Variants in GRM8 observed in about 807,000 individuals in gnomAD.
GRM8 encodes metabotropic glutamate receptor 8.
In GRM8, 47 loss-of-function variants were observed where a neutral mutation model predicts 87.2. The observed-to-expected ratio is 0.54, with a 90% CI of 0.43 to 0.69. GRM8 has a LOEUF of 0.69. Among genes scored for constraint, GRM8 ranks in the 30% least tolerant of loss-of-function variants. The pLI is 0.00. For synonymous variants in GRM8, 396 were observed against 404.5 expected (o/e 0.98, Z 0.25); for missense variants, 1,019 against 1,139.2 (o/e 0.89, Z 1.52).
At chr7:126,877,210 G>C (rs933648010) in intron 6 of GRM8, among the ~76,000 whole-genome samples, 1 of 151,882 alleles carries the variant, frequency 6.6e-6, no homozygotes, top group South Asian at 2.1e-4. Context: ...CTTCATAAAC[G>C]TATTCTTTTG....
At chr7:126,955,890 T>C (rs1234668646) in intron 3 of GRM8, among the ~76,000 whole-genome samples, 2 of 152,162 alleles carry the variant, frequency 1.3e-5, no homozygotes, top group Non-Finnish European at 1.5e-5. Flanking sequence ...ATGTTTGCTA[T>C]GGGGGATTTT....
chr7:126,854,891 T>C lies in GRM8; in HGVS notation c.1156+47651A>G, dbSNP rs1182891032. Among the ~76,000 whole-genome samples, 19 of 152,336 alleles carry C rather than the reference T, an allele frequency of 1.2e-4. No homozygotes were observed. The South Asian group carries it at 3.9e-3, about 32-fold the overall frequency. ...ACTGGTGAACAGCAACAATTTTGAC[T>C]TTCTCTTTACTGTTTTGGATGCCCT... is the stretch of plus-strand genomic sequence containing the variant. On this transcript the variant is annotated intron_variant, in intron 6 of 10. Transcript: ENST00000339582.
chr7:126,754,276 C>T (rs1005873707), intron 7 of GRM8, among the ~76,000 whole-genome samples: 10 of 151,808 alleles, frequency 6.6e-5, no homozygotes, highest in South Asian at 2.1e-4. Context: ...TGCAATAAAT[C>T]GCTAAAGTTT....
At chr7:127,110,585 T>C (rs778917715) in intron 2 of GRM8, among the ~76,000 whole-genome samples, 2 of 152,220 alleles carry the variant, frequency 1.3e-5, no homozygotes, top group Non-Finnish European at 2.9e-5. Context: ...CAATTAATTA[T>C]ACAACTCAGG....
chr7:126,849,268 T>A (rs1796984896), intron 6 of GRM8, among the ~76,000 whole-genome samples: 1 of 152,194 alleles, frequency 6.6e-6, no homozygotes, highest in African/African-American at 2.4e-5. Context: ...TTGGTCTAGT[T>A]TTGATGAGAA....
chr7:127,240,958 A>G (rs1798258440), intron 2 of GRM8, among the ~76,000 whole-genome samples: 1 of 152,216 alleles, frequency 6.6e-6, no homozygotes, highest in Non-Finnish European at 1.5e-5. Flanking sequence ...ATGGAGAACT[A>G]GAGCAACTCT....
At chr7:126,632,669 T>G (rs1405986452) in intron 7 of GRM8, among the ~76,000 whole-genome samples, 3 of 152,104 alleles carry the variant, frequency 2.0e-5, no homozygotes, top group African/African-American at 7.2e-5. Context: ...AAAGAAAATG[T>G]GGTACATATA....
At chr7:126,611,802 G>GT (rs1798940524) in intron 7 of GRM8, among the ~76,000 whole-genome samples, 1 of 152,120 alleles carries the variant, frequency 6.6e-6, no homozygotes, top group Non-Finnish European at 1.5e-5. Flanking sequence ...AATTCCTAAT[G>GT]TGTTAGCTGT....
intron 7 of GRM8, among the ~76,000 whole-genome samples, chr7:126,749,747 T>C (rs1432002841): frequency 6.6e-6 from 1 of 151,920 alleles, no homozygotes; most frequent in Non-Finnish European, 1.5e-5. Context: ...AGATAACTAG[T>C]GACCAGAGAA....
intron 9 of GRM8, among the ~76,000 whole-genome samples, chr7:126,477,700 G>A (rs1806164258): frequency 6.6e-6 from 1 of 151,522 alleles, no homozygotes; most frequent in African/African-American, 2.4e-5. Flanking sequence ...GAGTGATGAA[G>A]GGAGGGAGAA....
intron 8 of GRM8, among the ~76,000 whole-genome samples, chr7:126,605,033 T>G (rs1003292764): frequency 1.3e-5 from 2 of 152,154 alleles, no homozygotes; most frequent in African/African-American, 4.8e-5. Context: ...TATGTTTCAT[T>G]CCTACAGTAA....
chr7:127,160,451 T>C (rs1400165890), intron 2 of GRM8, among the ~76,000 whole-genome samples: 1 of 150,644 alleles, frequency 6.6e-6, no homozygotes, highest in African/African-American at 2.4e-5. Context: ...CCTCAGAAAA[T>C]AATGGGTGAG....
Position 126,446,157 on chromosome 7 carries a change from T to C in GRM8, c.2646A>G (p.Lys882=). 1.9e-6 allele frequency: 3 copies of C among 1,613,000 alleles called. No homozygotes were observed. Among genetic ancestry groups the C allele is most frequent in the Non-Finnish European group, 2.5e-6 (3 of 1,179,252 alleles). The stretch of plus-strand genomic sequence containing the variant: ...TTTCAAGACTCTCACAGAGTTCACT[T>C]TTCACCTCGCCATTTGGTCTGTCAT... The part of the protein sequence containing the change: ...KGNDRPNGEV[K]SELCESLETN... The change falls in exon 10 of 11, where the codon AAA becomes AAG. Residue 882 remains lysine (K), a synonymous_variant. Coordinates refer to ENST00000339582, the MANE Select transcript of GRM8 (RefSeq NM_000845.3).
intron 9 of GRM8, among the ~76,000 whole-genome samples, chr7:126,453,507 T>C (rs1277167120): frequency 6.6e-6 from 1 of 151,626 alleles, no homozygotes; most frequent in African/African-American, 2.4e-5. Flanking sequence ...AACCTTGGAA[T>C]GATTGGGAGA....
chr7:126,620,042 T>TACTAGTAATCCCAGC, intron 7 of GRM8, among the ~76,000 whole-genome samples: 3 of 152,048 alleles, frequency 2.0e-5, no homozygotes, highest in East Asian at 3.9e-4. Context: ...CAGTGGCTCA[T>TACTAGTAATCCCAGC]ACTTTGGGAA....
intron 6 of GRM8, among the ~76,000 whole-genome samples, chr7:126,889,917 G>A (rs1800839149): frequency 1.3e-5 from 2 of 152,018 alleles, no homozygotes; most frequent in South Asian, 4.1e-4. Context: ...GCTTGCAGCT[G>A]CAAATGATAG....
intron 7 of GRM8, among the ~76,000 whole-genome samples, chr7:126,762,935 C>T (rs904597291): frequency 6.6e-6 from 1 of 151,804 alleles, no homozygotes; most frequent in Admixed American, 6.6e-5. Flanking sequence ...AAGGGGAAAA[C>T]AGTCTCTCAT....
intron 9 of GRM8, among the ~76,000 whole-genome samples, chr7:126,479,527 A>G (rs967589613): frequency 6.6e-6 from 1 of 152,082 alleles, no homozygotes; most frequent in Non-Finnish European, 1.5e-5. Flanking sequence ...TTCAAGGTTT[A>G]TCCATTTCAT....
intron 6 of GRM8, among the ~76,000 whole-genome samples, chr7:126,803,387 C>T (rs1822953441): frequency 1.3e-5 from 2 of 152,220 alleles, no homozygotes; most frequent in East Asian, 1.9e-4. Context: ...CTTACACAGC[C>T]TCCAGCACTT....
Sources: allele counts gnomAD v4.1 joint callset (sites outside exome capture counted in the v4.1 genomes callset), GRCh38; gene constraint gnomAD v4.1.1; transcripts MANE v1.5; gene names NCBI Gene and HGNC (gene_info 2026-07-23, HGNC 2026-07-21).